Variants in MAP2K2 observed in about 807,000 individuals in gnomAD.
MAP2K2 encodes mitogen-activated protein kinase kinase 2.
MAP2K2 carries 24 observed loss-of-function variants against 43.7 expected under a neutral mutation model. That is an observed-to-expected ratio of 0.55 (90% CI 0.40 to 0.77). MAP2K2 has a LOEUF of 0.77. Among genes scored for constraint, MAP2K2 ranks in the 30% least tolerant of loss-of-function variants. MAP2K2 has a pLI of 0.00. For missense variants in MAP2K2, 470 were observed against 566.8 expected, an observed-to-expected ratio of 0.83 and a Z score of 1.73; for synonymous variants, 244 against 239.7, an observed-to-expected ratio of 1.02 and a Z score of -0.17.
At chr19:4,119,466 C>A (rs905636501) in intron 1 of MAP2K2, among the ~76,000 whole-genome samples, 3 of 152,158 alleles carry the variant, frequency 2.0e-5, no homozygotes, top group Non-Finnish European at 4.4e-5. Flanking sequence ...AAGCCACCTG[C>A]CCACCTTGGC....
chr19:4,123,704 C>T (rs2041333548), intron 1 of MAP2K2, 80 bp downstream of exon 1: 11 of 1,119,570 alleles, frequency 9.8e-6, no homozygotes, highest in Non-Finnish European at 1.4e-5. Context: ...CTCGCGAACC[C>T]CCGTCCCCTC....
chr19:4,113,644 G>A (rs917054288), intron 2 of MAP2K2, among the ~76,000 whole-genome samples: 7 of 152,220 alleles, frequency 4.6e-5, no homozygotes, highest in African/African-American at 9.6e-5. Context: ...AGCCCAGGCC[G>A]TGCCAGCTCT....
At chr19:4,094,248 C>A (rs2040882884) in intron 10 of MAP2K2, among the ~76,000 whole-genome samples, 1 of 152,164 alleles carries the variant, frequency 6.6e-6, no homozygotes, top group Non-Finnish European at 1.5e-5. Context: ...ACCCTCTGCT[C>A]CCCGCAGCCA....
chr19:4,102,926 G>A (rs1348478244), intron 3 of MAP2K2: 3 of 1,135,230 alleles, frequency 2.6e-6, no homozygotes, highest in Admixed American at 4.2e-5. Flanking sequence ...AGGGCGCGGA[G>A]GAGACGCGGG....
rs185255609 is a variant in MAP2K2 at position 4,107,665 on chromosome 19, C to A, written c.450+2844G>T. Among the ~76,000 whole-genome samples the A allele has an allele frequency of 5.1e-3, 772 of 152,060 alleles. 7 individuals are homozygous for A. The highest frequency in any genetic ancestry group is 0.018 in the African/African-American group (736 of 41,422). ...GAGGCTGCAGTGAGCTAGGATCATG[C>A]CACTGCACTCCAACCTGGGTGACAG... On this transcript the variant is annotated intron_variant, in intron 3 of 10. Coordinates refer to ENST00000262948, the MANE Select transcript of MAP2K2 (RefSeq NM_030662.4).
rs968723563 is a variant in MAP2K2 at position 4,102,790 on chromosome 19, G to A, written c.451-337C>T. The A allele has an allele frequency of 1.0e-5, 13 of 1,251,984 alleles. No homozygotes were observed. The Admixed American group carries it at 4.1e-4, about 39-fold the overall frequency. 77.6% of individuals were successfully genotyped at this position (1,251,984 alleles called of 1,614,324 possible). Reference sequence around the variant, plus strand: ...GCCGCGGCCGGGGGCTCAGGCAGCTGTGGGGCCCGCACTCCCTGCAGCCTA... The same window carrying A: ...GCCGCGGCCGGGGGCTCAGGCAGCTATGGGGCCCGCACTCCCTGCAGCCTA... On this transcript the variant is annotated intron_variant, in intron 3 of 10. Transcript: ENST00000262948.
intron 3 of MAP2K2, chr19:4,102,974 T>C: frequency 4.6e-6 from 5 of 1,098,694 alleles, no homozygotes; most frequent in Non-Finnish European, 5.6e-6. Context: ...GGTCGCTGTG[T>C]GCCCGTCCAG....
chr19:4,095,096 G>A lies in MAP2K2; in HGVS notation c.1046+292C>T, dbSNP rs1379981464. 14 of 414,398 alleles carry A rather than the reference G, an allele frequency of 3.4e-5. No individual in the cohort carries two copies. The Middle Eastern group carries it at 2.0e-3, about 60-fold the overall frequency. 25.7% of individuals were successfully genotyped at this position (414,398 alleles called of 1,614,324 possible). A position where few individuals can be genotyped will look rare whatever the true frequency, so the allele number is the denominator to read the frequency against. ...ACAGTCAGCACACCAGGGGTCCGGG[G>A]ACCAGACAGAGGCTTCTCCTGCTGC... On this transcript the variant is annotated intron_variant, in intron 9 of 10. Transcript: ENST00000262948.
intron 1 of MAP2K2, among the ~76,000 whole-genome samples, chr19:4,118,358 C>T (rs1469181786): frequency 6.6e-6 from 1 of 152,138 alleles, no homozygotes; most frequent in Non-Finnish European, 1.5e-5. Flanking sequence ...GAGGAACAAG[C>T]GTTCTGAGCA....
Position 4,101,811 on chromosome 19 carries a change from T to C in MAP2K2, c.529-531A>G, listed in dbSNP as rs972866496. Among the ~76,000 whole-genome samples the C allele has an allele frequency of 6.6e-6, 1 of 152,160 alleles. No individual in the cohort carries two copies. Among genetic ancestry groups the C allele is most frequent in the Non-Finnish European group, 1.5e-5 (1 of 68,010 alleles). On this transcript the variant is annotated intron_variant, in intron 4 of 10. Transcript: ENST00000262948. The surrounding 1 kb of genome is among the most constrained non-coding windows in gnomAD (Gnocchi z 6.3). ...ACTCGGAAACGCGTGTCTGGCAGCA[T>C]GCGTCCTGTGTCTTAATCCAACACT...
intron 6 of MAP2K2, 24 bp downstream of exon 6, chr19:4,100,995 A>C: frequency 6.4e-7 from 1 of 1,550,726 alleles, no homozygotes; most frequent in East Asian, 2.4e-5. Flanking sequence ...GGAGAGCTGG[A>C]GGGGAGAGCC....
chr19:4,090,735 C>T (rs973934931), intron 10 of MAP2K2, 27 bp from the exon 11 acceptor site: 13 of 1,495,152 alleles, frequency 8.7e-6, no homozygotes, highest in Non-Finnish European at 1.1e-5. Context: ...GCCGTGAGCA[C>T]CCGGGCCTGG....
chr19:4,110,140 C>A (rs1439272466), intron 3 of MAP2K2, among the ~76,000 whole-genome samples: 1 of 151,944 alleles, frequency 6.6e-6, no homozygotes, highest in East Asian at 1.9e-4. Flanking sequence ...CCTGTCTCTA[C>A]TAAAAATACA....
chr19:4,097,157 G>A, intron 8 of MAP2K2, 122 bp downstream of exon 8: 2 of 725,800 alleles, frequency 2.8e-6, no homozygotes, highest in East Asian at 2.8e-5. Context: ...AGGCACCACT[G>A]TACTCCAGCC....
chr19:4,097,570 G>C (rs2040937672), intron 7 of MAP2K2, among the ~76,000 whole-genome samples: 1 of 152,186 alleles, frequency 6.6e-6, no homozygotes, highest in Non-Finnish European at 1.5e-5. Context: ...TAAAAAAAAG[G>C]CAAAAGGAAC....
chr19:4,120,181 A>G (rs2041274451), intron 1 of MAP2K2, among the ~76,000 whole-genome samples: 2 of 152,222 alleles, frequency 1.3e-5, no homozygotes, highest in African/African-American at 2.4e-5. Context: ...GAGGGGAAAC[A>G]GGGCCCTAGT....
chr19:4,097,680 T>C (rs966080371), intron 7 of MAP2K2, among the ~76,000 whole-genome samples: 12 of 152,220 alleles, frequency 7.9e-5, no homozygotes, highest in African/African-American at 2.9e-4. Context: ...GGAGGGACGG[T>C]GCTGACCGCA....
At position 4,110,994 on chromosome 19, in the gene MAP2K2, G is replaced by C. The variant is rs1163838004; in HGVS notation, c.304-339C>G. The stretch of plus-strand genomic sequence containing the variant: ...AGGCCAAGACCCCGGCCACAGCGTG[G>C]GTGAACCCTGAGGATGTCATGCTTA... On this transcript the variant is annotated intron_variant, in intron 2 of 10. Coordinates refer to ENST00000262948, the MANE Select transcript of MAP2K2 (RefSeq NM_030662.4). Among the ~76,000 whole-genome samples, 3 of 152,148 alleles carry C rather than the reference G, an allele frequency of 2.0e-5. No homozygotes were observed. In the East Asian group the frequency reaches 5.8e-4, roughly 29 times the overall value.
At position 4,115,027 on chromosome 19, in the gene MAP2K2, G is replaced by A. The variant is rs2041202683; in HGVS notation, c.303+2392C>T. ...TAGCAGCCAGAGCCGCTGAGCCCAC[G>A]AGCTCAATGCATCCTCTCCCACCCG... On this transcript the variant is annotated intron_variant, in intron 2 of 10. Transcript: ENST00000262948. This position sits in a 1 kb window ranked among gnomAD's most constrained non-coding sequence, Gnocchi z 4.1. Among the ~76,000 whole-genome samples the A allele has an allele frequency of 6.6e-6, 1 of 152,196 alleles. No individual in the cohort carries two copies. The highest frequency in any genetic ancestry group is 2.4e-5 in the African/African-American group (1 of 41,448).
Sources: allele counts gnomAD v4.1 joint callset (sites outside exome capture counted in the v4.1 genomes callset), GRCh38; gene constraint gnomAD v4.1.1; non-coding constraint Gnocchi (gnomAD v3.1); transcripts MANE v1.5; gene names NCBI Gene and HGNC (gene_info 2026-07-23, HGNC 2026-07-21).